Variants in PROCR observed in about 807,000 individuals in gnomAD.
PROCR encodes the protein endothelial protein C receptor.
In PROCR, 22 loss-of-function variants were observed where a neutral mutation model predicts 24.2. The observed-to-expected ratio is 0.91, with a 90% CI of 0.65 to 1.30. The LOEUF (loss-of-function observed/expected upper bound fraction) is 1.30. Ranked by LOEUF, PROCR falls within the 50% of genes most tolerant of loss-of-function variation. The pLI, the probability that PROCR is intolerant of heterozygous loss-of-function variation, is 0.00. For missense variants in PROCR, 288 were observed against 307.7 expected (o/e 0.94, Z 0.48); for synonymous variants, 137 against 139.2 (o/e 0.98, Z 0.11).
downstream of PROCR, among the ~76,000 whole-genome samples, chr20:35,180,730 C>A (rs952122527): frequency 2.6e-5 from 4 of 152,170 alleles, no homozygotes; most frequent in African/African-American, 9.7e-5. Context: ...TTGTCTGGAC[C>A]ATGGCAGCAG....
rs34186603 is a variant in PROCR at position 35,206,474 on chromosome 20, C to CAA, written c.95-9397_95-9396dup. On this transcript the variant is annotated intron_variant, in intron 1 of 1. Transcript: ENST00000634509. The stretch of plus-strand genomic sequence containing the variant: ...TGGGCAACAGTGTGAGACTCTATCT[C>CAA]AAAAAAAAAAAAAAAAAAAAAAACT... Among the ~76,000 whole-genome samples, 592 of 68,008 alleles carry CAA rather than the reference C, an allele frequency of 8.7e-3. 6 individuals carry two copies. Among genetic ancestry groups the CAA allele is most frequent in the Middle Eastern group, 0.031 (4 of 128 alleles). The allele number at this position is 68,008 out of a possible 152,430, so 44.6% of individuals were successfully genotyped here.
chr20:35,174,293 C>A lies in PROCR; in HGVS notation c.71-409C>A, dbSNP rs1026301766. On this transcript the variant is annotated intron_variant, in intron 1 of 3. Transcript: ENST00000216968. ...GAGATGAAGTAGAAAGTTACTACCCCAGTCTAGATGAGACGGATGAATCCT... is the reference window on the plus strand; with the variant it reads ...GAGATGAAGTAGAAAGTTACTACCCAAGTCTAGATGAGACGGATGAATCCT... 4 of 257,550 alleles carry A rather than the reference C, an allele frequency of 1.6e-5. No individual in the cohort carries two copies. In the Admixed American group the frequency reaches 1.8e-4, roughly 12 times the overall value. 16.0% of individuals were successfully genotyped at this position (257,550 alleles called of 1,614,324 possible). A position where few individuals can be genotyped will look rare whatever the true frequency, so the allele number is the denominator to read the frequency against.
chr20:35,186,164 A>T (rs1320457322), intron 1 of PROCR, among the ~76,000 whole-genome samples: 4 of 152,242 alleles, frequency 2.6e-5, no homozygotes, highest in Non-Finnish European at 5.9e-5. Flanking sequence ...AATAATCCAA[A>T]TGTCTGTTAA....
downstream of PROCR, among the ~76,000 whole-genome samples, chr20:35,180,261 A>AATAT (rs1177787725): frequency 6.6e-6 from 1 of 151,646 alleles, no homozygotes; most frequent in Non-Finnish European, 1.5e-5. Context: ...TAAATAAATA[A>AATAT]ATACATAAAT....
intron 1 of PROCR, 92 bp downstream of exon 1, chr20:35,172,316 A>T: frequency 9.1e-6 from 13 of 1,428,598 alleles, no homozygotes; most frequent in Non-Finnish European, 1.3e-5. Flanking sequence ...AGCTTATCTC[A>T]CAGCATCTGT....
chr20:35,209,638 C>T (rs1004671675), intron 1 of PROCR, among the ~76,000 whole-genome samples: 13 of 152,116 alleles, frequency 8.5e-5, no homozygotes, highest in African/African-American at 2.9e-4. Flanking sequence ...GGACAAGGGG[C>T]CAAGGAGGGG....
downstream of PROCR, among the ~76,000 whole-genome samples, chr20:35,178,509 T>TTTGTTTTTG (rs1412265133): frequency 3.7e-5 from 1 of 26,810 alleles, no homozygotes; most frequent in South Asian, 2.0e-3. Context: ...AAGTCTCAGT[T>TTTGTTTTTG]TTTTTTTTTT....
intron 1 of PROCR, among the ~76,000 whole-genome samples, chr20:35,193,926 C>T (rs1005694595): frequency 5.9e-5 from 9 of 152,166 alleles, no homozygotes; most frequent in East Asian, 3.9e-4. Context: ...ACCCTGAGGA[C>T]GCCCCAACAT....
chr20:35,187,311 C>T (rs556936275), intron 1 of PROCR, among the ~76,000 whole-genome samples: 1 of 152,316 alleles, frequency 6.6e-6, no homozygotes, highest in South Asian at 2.1e-4. Context: ...ATCCACCTAC[C>T]TGGGCCTGCC....
At chr20:35,205,008 C>T (rs1375202478) in intron 1 of PROCR, among the ~76,000 whole-genome samples, 5 of 152,192 alleles carry the variant, frequency 3.3e-5, no homozygotes, top group Admixed American at 6.5e-5. Flanking sequence ...CATGGTGGCT[C>T]ACGCCTGTAA....
chr20:35,174,329 A>G (rs1446824684), intron 1 of PROCR: 4 of 340,944 alleles, frequency 1.2e-5, no homozygotes, highest in Non-Finnish European at 1.7e-5. Flanking sequence ...GAATCAGGGC[A>G]GTGGAAGAGG....
At chr20:35,193,390 G>C (rs1164568340) in intron 1 of PROCR, among the ~76,000 whole-genome samples, 1 of 152,114 alleles carries the variant, frequency 6.6e-6, no homozygotes, top group Non-Finnish European at 1.5e-5. Context: ...TGGCCAGGAT[G>C]GTCTTGATCT....
At chr20:35,207,281 A>G (rs1046961964) in intron 1 of PROCR, among the ~76,000 whole-genome samples, 1 of 152,028 alleles carries the variant, frequency 6.6e-6, no homozygotes, top group African/African-American at 2.4e-5. Context: ...GTGTTTACAT[A>G]ATTCTTTGCA....
rs1185344692 is a variant in PROCR, at chr20:35,199,738, A to G, written c.95-16155A>G. On this transcript the variant is annotated intron_variant, in intron 1 of 1. Coordinates refer to the PROCR transcript ENST00000634509. ...ACTCCAGCCTGGGCAACATAGTGAG[A>G]CTGTGTCTCAAAAAAAAAAAAAAAA... Among the ~76,000 whole-genome samples the G allele has an allele frequency of 2.7e-5, 4 of 148,380 alleles. No homozygotes were observed. The East Asian group carries it at 7.8e-4, about 29-fold the overall frequency.
chr20:35,210,497 C>T (rs1021909103), intron 1 of PROCR, among the ~76,000 whole-genome samples: 6 of 151,414 alleles, frequency 4.0e-5, no homozygotes, highest in Non-Finnish European at 7.4e-5. Context: ...CAGTAAGCTA[C>T]GGTTGCGCCA....
chr20:35,201,753 A>G (rs1441822036), intron 1 of PROCR: 8 of 152,122 alleles, frequency 5.3e-5, no homozygotes, highest in Admixed American at 5.2e-4. Context: ...ATATGCTATT[A>G]CATTTTATTT....
intron 1 of PROCR, among the ~76,000 whole-genome samples, chr20:35,173,561 C>T (rs1024119705): frequency 5.3e-5 from 8 of 151,364 alleles, no homozygotes; most frequent in African/African-American, 1.9e-4. Context: ...TCCTGAGTAG[C>T]TGGGACTACA....
At chr20:35,174,436 C>T in intron 1 of PROCR, 1 of 524,568 alleles carries the variant, frequency 1.9e-6, no homozygotes, top group East Asian at 3.4e-5. Flanking sequence ...GAGGGAGAGC[C>T]GAGGGTGAAA....
At chr20:35,210,643 T>A (rs2060359148) in intron 1 of PROCR, among the ~76,000 whole-genome samples, 1 of 152,200 alleles carries the variant, frequency 6.6e-6, no homozygotes, top group Non-Finnish European at 1.5e-5. Context: ...TCTGAACTTT[T>A]TTTTAATTGC....
Sources: allele counts gnomAD v4.1 joint callset (sites outside exome capture counted in the v4.1 genomes callset), GRCh38; gene constraint gnomAD v4.1.1; transcripts MANE v1.5; gene names NCBI Gene and HGNC (gene_info 2026-07-23, HGNC 2026-07-21).